Variants in MUSK observed in about 807,000 individuals in gnomAD.
MUSK encodes muscle, skeletal receptor tyrosine-protein kinase.
A neutral mutation model predicts 88.7 loss-of-function variants in MUSK; 55 were observed. The observed-to-expected ratio is 0.62, with a 90% CI of 0.50 to 0.78. The LOEUF (loss-of-function observed/expected upper bound fraction) is 0.78. Ranked by LOEUF, MUSK falls within the 30% of genes least tolerant of loss-of-function variation. The pLI, the probability that MUSK is intolerant of heterozygous loss-of-function variation, is 0.00. For missense variants in MUSK, 1,015 were observed against 1,074.3 expected, an observed-to-expected ratio of 0.94 and a Z score of 0.77; for synonymous variants, 387 against 391.9, an observed-to-expected ratio of 0.99 and a Z score of 0.15.
chr9:110,756,530 G>A (rs2077326702), intron 7 of MUSK, among the ~76,000 whole-genome samples: 1 of 136,718 alleles, frequency 7.3e-6, no homozygotes. Flanking sequence ...TTTTTAGACA[G>A]TAATATTATT....
intron 7 of MUSK, among the ~76,000 whole-genome samples, chr9:110,755,879 A>C (rs1166523971): frequency 6.7e-6 from 1 of 148,370 alleles, no homozygotes; most frequent in African/African-American, 2.5e-5. Flanking sequence ...ACTAATAATA[A>C]TAATGTTAAC....
intron 5 of MUSK, among the ~76,000 whole-genome samples, chr9:110,710,600 T>C (rs2076655685): frequency 6.6e-6 from 1 of 152,192 alleles, no homozygotes; most frequent in South Asian, 2.1e-4. Flanking sequence ...GCATTCTTGT[T>C]ACTTGTTAGA....
intron 5 of MUSK, 72 bp from the exon 6 acceptor site, chr9:110,734,179 A>G (rs769184204): frequency 1.4e-4 from 205 of 1,515,276 alleles, no homozygotes; most frequent in Non-Finnish European, 1.8e-4. Flanking sequence ...TCTAATTTGC[A>G]TTTCTAAAAG....
chr9:110,797,131 ATAAAAAAT>A (rs1195097977), intron 14 of MUSK, among the ~76,000 whole-genome samples: 87 of 45,876 alleles, frequency 1.9e-3, no homozygotes, highest in Non-Finnish European at 3.1e-3. Context: ...AAATAAAAAA[ATAAAAAAT>A]AAAAAATAAA....
intron 7 of MUSK, among the ~76,000 whole-genome samples, chr9:110,751,194 C>A (rs2077243242): frequency 6.6e-6 from 1 of 152,178 alleles, no homozygotes. Flanking sequence ...CTATATGCAG[C>A]AACATCATGA....
At chr9:110,747,847 T>C in intron 7 of MUSK, 47 bp downstream of exon 7, 1 of 1,588,388 alleles carries the variant, frequency 6.3e-7, no homozygotes, top group Non-Finnish European at 8.6e-7. Flanking sequence ...AGGGGAGAGT[T>C]GATACTATTC....
At chr9:110,680,304 T>C (rs1052664734) in intron 1 of MUSK, among the ~76,000 whole-genome samples, 6 of 152,080 alleles carry the variant, frequency 3.9e-5, no homozygotes, top group African/African-American at 1.4e-4. Flanking sequence ...TTCTTTCTGG[T>C]AGAGTTTAAG....
chr9:110,788,579 C>T (rs1257822503), intron 14 of MUSK, among the ~76,000 whole-genome samples: 1 of 151,294 alleles, frequency 6.6e-6, no homozygotes, highest in Non-Finnish European at 1.5e-5. Context: ...TTGCAGTAAG[C>T]CAAGATTGCA....
intron 14 of MUSK, among the ~76,000 whole-genome samples, chr9:110,797,128 A>AAT (rs1554756604): frequency 7.7e-5 from 4 of 52,062 alleles, no homozygotes; most frequent in African/African-American, 2.5e-4. Flanking sequence ...AAAAAATAAA[A>AAT]AAATAAAAAA....
intron 5 of MUSK, among the ~76,000 whole-genome samples, chr9:110,724,106 A>G (rs1010328584): frequency 3.3e-5 from 5 of 151,560 alleles, no homozygotes; most frequent in Admixed American, 2.6e-4. Context: ...GTTATTATCA[A>G]TTTCTAGCAT....
intron 5 of MUSK, among the ~76,000 whole-genome samples, chr9:110,731,803 C>T (rs898874287): frequency 6.6e-6 from 1 of 152,068 alleles, no homozygotes; most frequent in African/African-American, 2.4e-5. Flanking sequence ...TGAATTGACT[C>T]TGTTTTATTT....
intron 7 of MUSK, among the ~76,000 whole-genome samples, chr9:110,755,983 T>TATAC (rs2077317356): frequency 7.9e-6 from 1 of 127,048 alleles, no homozygotes; most frequent in Non-Finnish European, 1.6e-5. Flanking sequence ...TATATACATA[T>TATAC]ATATATATAT....
intron 8 of MUSK, among the ~76,000 whole-genome samples, chr9:110,766,875 A>G (rs771286599): frequency 2.0e-5 from 3 of 152,212 alleles, no homozygotes; most frequent in African/African-American, 7.2e-5. Context: ...CCTACACATA[A>G]TAAGTATTCA....
chr9:110,688,789 T>A (rs2076232228), intron 3 of MUSK, among the ~76,000 whole-genome samples: 1 of 151,832 alleles, frequency 6.6e-6, no homozygotes. Context: ...GCAAAGGACA[T>A]GATTTCATTC....
At chr9:110,728,714 A>G (rs999531680) in intron 5 of MUSK, 3 of 1,574,410 alleles carry the variant, frequency 1.9e-6, no homozygotes, top group South Asian at 1.2e-5. Flanking sequence ...ACAAGATACT[A>G]AAGGTATTTT....
At chr9:110,700,479 G>A (rs1424887326) in intron 5 of MUSK, among the ~76,000 whole-genome samples, 1 of 151,230 alleles carries the variant, frequency 6.6e-6, no homozygotes, top group African/African-American at 2.4e-5. Flanking sequence ...GGAGAGGATG[G>A]GAGCTGAAAA....
intron 14 of MUSK, 63 bp from the exon 15 acceptor site, chr9:110,800,243 A>G (rs944416484): frequency 1.5e-6 from 2 of 1,373,268 alleles, no homozygotes; most frequent in Non-Finnish European, 2.0e-6. Context: ...TTGCTTTTGG[A>G]GTGCTCTTTC....
intron 1 of MUSK, among the ~76,000 whole-genome samples, chr9:110,670,247 A>G (rs1165721407): frequency 1.3e-5 from 2 of 152,204 alleles, no homozygotes; most frequent in Non-Finnish European, 2.9e-5. Flanking sequence ...CAAACAGCTA[A>G]TAATAGTCAG....
chr9:110,751,542 G>T (rs2077247811), intron 7 of MUSK, among the ~76,000 whole-genome samples: 1 of 152,210 alleles, frequency 6.6e-6, no homozygotes, highest in Admixed American at 6.5e-5. Flanking sequence ...CAGCAGCAGA[G>T]GTGAGTGCCT....
Sources: allele counts gnomAD v4.1 joint callset (sites outside exome capture counted in the v4.1 genomes callset), GRCh38; gene constraint gnomAD v4.1.1; transcripts MANE v1.5; gene names NCBI Gene and HGNC (gene_info 2026-07-23, HGNC 2026-07-21).